The following APP variants were observed in gnomAD, a reference collection of about 807,000 sequenced individuals.
The protein encoded by APP is amyloid-beta precursor protein.
APP carries 31 observed loss-of-function variants against 101.4 expected under a neutral mutation model. The observed-to-expected ratio is 0.31, with a 90% CI of 0.23 to 0.41. APP has a LOEUF of 0.41. APP is among the 10% of genes least tolerant of loss of function. APP has a pLI of 1.00. For synonymous variants in APP, 366 were observed against 364.4 expected, an observed-to-expected ratio of 1.00 and a Z score of -0.05; for missense variants, 839 against 1,003.7, an observed-to-expected ratio of 0.84 and a Z score of 2.22.
rs567967204 is a variant in APP at position 25,895,229 on chromosome 21, G to A, written c.2064+2344C>T. 3.3e-5 allele frequency among the ~76,000 whole-genome samples: 5 copies of A among 150,440 alleles called. No individual in the cohort carries two copies. In the South Asian group the frequency reaches 8.4e-4, roughly 25 times the overall value. On this transcript the variant is annotated intron_variant, in intron 16 of 17. Coordinates refer to ENST00000346798, the MANE Select transcript of APP (RefSeq NM_000484.4). ...GCTCTTGTTGCCCAGGCTGGAGTGC[G>A]ATCTCGGCTCACTGCAACCTCTGCC... is the stretch of plus-strand genomic sequence containing the variant.
intron 11 of APP, among the ~76,000 whole-genome samples, chr21:25,966,870 A>C (rs45583641): frequency 0.057 from 8,654 of 152,126 alleles, 822 homozygotes; most frequent in African/African-American, 0.2. Flanking sequence ...AGTGGCGAAA[A>C]ATTTATTTAT....
chr21:26,148,845 TTAGA>T (rs1468147238), intron 1 of APP, among the ~76,000 whole-genome samples: 6 of 152,242 alleles, frequency 3.9e-5, no homozygotes, highest in African/African-American at 1.2e-4. Flanking sequence ...AGCAATCTAT[TTAGA>T]TACTTTGTAG....
chr21:26,078,923 A>G (rs2061544612), intron 3 of APP, among the ~76,000 whole-genome samples: 1 of 152,028 alleles, frequency 6.6e-6, no homozygotes, highest in South Asian at 2.1e-4. Flanking sequence ...CATGCCTGTA[A>G]TCCCAGCTAC....
At chr21:26,106,171 T>A (rs2062178226) in intron 2 of APP, among the ~76,000 whole-genome samples, 1 of 152,222 alleles carries the variant, frequency 6.6e-6, no homozygotes, top group South Asian at 2.1e-4. Flanking sequence ...GACACCCATC[T>A]TAGCAGGAGA....
chr21:25,907,992 T>C (rs1416737166), intron 14 of APP, among the ~76,000 whole-genome samples: 1 of 152,252 alleles, frequency 6.6e-6, no homozygotes, highest in Admixed American at 6.5e-5. Flanking sequence ...AATATTATTT[T>C]ATCTACATAT....
rs573222711 is a variant in APP at position 26,055,565 on chromosome 21, C to A, written c.356-2217G>T. Among the ~76,000 whole-genome samples, 8 of 152,206 alleles carry A rather than the reference C, an allele frequency of 5.3e-5. No individual in the cohort carries two copies. The East Asian group carries it at 1.5e-3, about 29-fold the overall frequency. On this transcript the variant is annotated intron_variant, in intron 3 of 17. Coordinates refer to ENST00000346798, the MANE Select transcript of APP (RefSeq NM_000484.4). ...CAGGGTTTCTGAGGTCAGGGACTAA[C>A]CCTAGCTGCTTGGAAGAATACCTGA...
intron 5 of APP, among the ~76,000 whole-genome samples, chr21:26,036,594 G>A (rs947953573): frequency 1.3e-5 from 2 of 152,160 alleles, no homozygotes; most frequent in East Asian, 1.9e-4. Flanking sequence ...GAGCAAAAGC[G>A]TCATGCACTT....
At chr21:25,951,514 C>T (rs2041074152) in intron 13 of APP, among the ~76,000 whole-genome samples, 1 of 152,128 alleles carries the variant, frequency 6.6e-6, no homozygotes, top group Admixed American at 6.5e-5. Context: ...TTTTTAGGGA[C>T]TTTAAAATTT....
intron 13 of APP, among the ~76,000 whole-genome samples, chr21:25,938,209 A>G (rs1041682273): frequency 6.6e-6 from 1 of 152,192 alleles, no homozygotes; most frequent in African/African-American, 2.4e-5. Context: ...ACACCCAAAT[A>G]AACTCTCTAT....
intron 14 of APP, among the ~76,000 whole-genome samples, chr21:25,907,084 G>A (rs1017767405): frequency 6.6e-6 from 1 of 152,134 alleles, no homozygotes; most frequent in African/African-American, 2.4e-5. Context: ...GTATACTTAT[G>A]TGAAAGAAAC....
chr21:26,031,868 G>C (rs932772841), intron 5 of APP, among the ~76,000 whole-genome samples: 4 of 152,130 alleles, frequency 2.6e-5, no homozygotes. Flanking sequence ...CCCCAGATTC[G>C]TAAGTGGAGC....
intron 14 of APP, among the ~76,000 whole-genome samples, chr21:25,909,875 G>C (rs2038982422): frequency 6.6e-6 from 1 of 152,080 alleles, no homozygotes; most frequent in African/African-American, 2.4e-5. Flanking sequence ...ATGTGATTAA[G>C]AATTATTTTC....
At chr21:26,166,894 GAGAGAGAGAGAA>G (rs1398167608) in intron 1 of APP, among the ~76,000 whole-genome samples, 932 of 36,922 alleles carry the variant, frequency 0.025, 3 homozygotes, top group African/African-American at 0.084. Flanking sequence ...GAGAGAGAGA[GAGAGAGAGAGAA>G]AGAGAGAGAA....
At chr21:26,010,017 CT>C (rs1191932573) in intron 6 of APP, 4 of 126,124 alleles carry the variant, frequency 3.2e-5, no homozygotes, top group African/African-American at 1.3e-4. Context: ...GATGGTCCTA[CT>C]GTTTCATGTC....
intron 1 of APP, among the ~76,000 whole-genome samples, chr21:26,156,959 A>G (rs1257672632): frequency 6.6e-6 from 1 of 152,242 alleles, no homozygotes; most frequent in Non-Finnish European, 1.5e-5. Flanking sequence ...ACTATTTGAG[A>G]CATGCACAAA....
chr21:25,915,906 G>T (rs1226516451), intron 13 of APP, among the ~76,000 whole-genome samples: 2 of 152,194 alleles, frequency 1.3e-5, no homozygotes, highest in Admixed American at 6.5e-5. Context: ...TTCAGAAAAT[G>T]TAAGTGAAAA....
At chr21:25,884,185 A>G (rs949453029) in intron 17 of APP, among the ~76,000 whole-genome samples, 3 of 152,174 alleles carry the variant, frequency 2.0e-5, no homozygotes, top group Admixed American at 6.5e-5. Flanking sequence ...ATGTGCCCCG[A>G]TTCTTACGTT....
Position 26,150,597 on chromosome 21 carries a change from CTAGATAGACAGA to C in APP, c.57+19955_57+19966del, listed in dbSNP as rs1349681339. Among the ~76,000 whole-genome samples, 38 of 83,420 alleles carry C rather than the reference CTAGATAGACAGA, an allele frequency of 4.6e-4. No individual in the cohort carries two copies. In the South Asian group the frequency reaches 6.1e-3, roughly 13 times the overall value. The allele number at this position is 83,420 out of a possible 152,430, so 54.7% of individuals were successfully genotyped here. A position where few individuals can be genotyped will look rare whatever the true frequency, so the allele number is the denominator to read the frequency against. ...TGGCACAGAGTATACTGATTGACAT[CTAGATAGACAGA>C]TAGATAGACAGATAGATAGACAGAC... On this transcript the variant is annotated intron_variant, in intron 1 of 17. Coordinates refer to ENST00000346798, the MANE Select transcript of APP (RefSeq NM_000484.4).
intron 3 of APP, among the ~76,000 whole-genome samples, chr21:26,088,263 T>A (rs577771337): frequency 6.6e-6 from 1 of 152,320 alleles, no homozygotes; most frequent in South Asian, 2.1e-4. Flanking sequence ...AGGTAGTAAA[T>A]AACAATCTTA....
Sources: gnomAD v4.1 joint callset for allele counts (sites outside exome capture counted in the v4.1 genomes callset) on GRCh38, gnomAD v4.1.1 for gene constraint, MANE v1.5 for transcripts, NCBI Gene and HGNC (gene_info 2026-07-23, HGNC 2026-07-21) for gene names.